The following KRTAP15-1 variants were observed in gnomAD, a reference collection of about 807,000 sequenced individuals.
KRTAP15-1 encodes the protein keratin-associated protein 15-1.
For synonymous variants in KRTAP15-1, 65 were observed against 59.6 expected (o/e 1.09, Z -0.42); for missense variants, 181 against 156.8 (o/e 1.15, Z -0.83).
Position 30,440,513 on chromosome 21 carries a change from G to A in KRTAP15-1, c.186G>A (p.Gln62=), listed in dbSNP as rs759173973. ...CCTACTGTGAGCCCACCAGCTGCCA[G>A]ACATCCTGCACTTTGGCCAGATCCT... ...QETYCEPTSC[Q]TSCTLARSYQ... Residue 62 remains glutamine (Q), a synonymous_variant, in exon 1 of 1, where the codon CAG becomes CAA. Coordinates refer to ENST00000334067, the MANE Select transcript of KRTAP15-1 (RefSeq NM_181623.3). 5 of 1,614,184 alleles carry A rather than the reference G, an allele frequency of 3.1e-6. No individual in the cohort carries two copies. The South Asian group carries it at 5.5e-5, about 18-fold the overall frequency.
rs142678238 is a variant in KRTAP15-1, at chr21:30,440,437, C to A, written c.110C>A (p.Ser37Tyr). The A allele has an allele frequency of 6.2e-7, 1 of 1,614,132 alleles. No individual in the cohort carries two copies. The highest frequency in any genetic ancestry group is 1.3e-5 in the African/African-American group (1 of 75,058). Residue 37 changes from serine to tyrosine, a missense_variant, in exon 1 of 1, where the codon TCT becomes TAT. By Grantham distance (144) the Ser-to-Tyr change is moderately radical. Coordinates refer to ENST00000334067, the MANE Select transcript of KRTAP15-1 (RefSeq NM_181623.3). ...NLFYPSNAIY[S>Y]PNTCQLGSSL... is the part of the protein sequence containing the mutation. Reference sequence around the variant, plus strand: ...TTCTACCCCAGCAATGCCATCTATTCTCCAAATACCTGCCAACTGGGCTCC... The same window carrying A: ...TTCTACCCCAGCAATGCCATCTATTATCCAAATACCTGCCAACTGGGCTCC...
Position 30,440,458 on chromosome 21 carries a change from G to A in KRTAP15-1, c.131G>A (p.Gly44Asp), listed in dbSNP as rs141181310. The change falls in exon 1 of 1, where the codon GGC becomes GAC. Residue 44 changes from glycine to aspartate, a missense_variant. Coordinates refer to ENST00000334067, the MANE Select transcript of KRTAP15-1 (RefSeq NM_181623.3). The stretch of plus-strand genomic sequence containing the variant: ...TATTCTCCAAATACCTGCCAACTGG[G>A]CTCCTCTCTCTACAATGGCTGTCAG... ...AIYSPNTCQLGSSLYNGCQET... is the reference protein window; with the variant it reads ...AIYSPNTCQLDSSLYNGCQET... 1.2e-6 allele frequency: 2 copies of A among 1,614,142 alleles called. No homozygotes were observed. Among genetic ancestry groups the A allele is most frequent in the Non-Finnish European group, 1.7e-6 (2 of 1,180,032 alleles).
rs1205180155 is a variant in KRTAP15-1, at chr21:30,440,354, C to T, written c.27C>T (p.Asn9=). 5 of 1,610,270 alleles carry T rather than the reference C, an allele frequency of 3.1e-6. No homozygotes were observed. Among genetic ancestry groups the T allele is most frequent in the Non-Finnish European group, 4.2e-6 (5 of 1,178,140 alleles). The change falls in exon 1 of 1, where the codon AAC becomes AAT. Residue 9 remains asparagine, a synonymous_variant. Transcript: ENST00000334067. ...TGTCTTACAACTGCAGCTCTGGAAA[C>T]TTCTCCTCCTGCTGTTTTGGAAGTT... MSYNCSSG[N]FSSCCFGSYL...
In KRTAP15-1 at chr21:30,440,432, C is replaced by G. The variant is rs150201622; in HGVS notation, c.105C>G (p.Ile35Met). 64 of 1,613,958 alleles carry G rather than the reference C, an allele frequency of 4.0e-5. 1 individual carries two copies. The highest frequency in any genetic ancestry group is 5.3e-5 in the Non-Finnish European group (62 of 1,179,954). The change falls in exon 1 of 1, where the codon ATC (isoleucine) becomes ATG (methionine). Residue 35 changes from isoleucine (I) to methionine (M), a missense_variant. Transcript: ENST00000334067. Reference protein sequence around the residue: ...TYNLFYPSNAIYSPNTCQLGS... With the variant: ...TYNLFYPSNAMYSPNTCQLGS... ...ATTTGTTCTACCCCAGCAATGCCAT[C>G]TATTCTCCAAATACCTGCCAACTGG...
At position 30,440,658 on chromosome 21, in the gene KRTAP15-1, G is replaced by A. The variant is rs1001438976; in HGVS notation, c.331G>A (p.Gly111Ser). 2.5e-6 allele frequency: 4 copies of A among 1,613,664 alleles called. No homozygotes were observed. In the African/African-American group the frequency reaches 5.3e-5, roughly 22 times the overall value. ...GLGSLGCGST[G>S]FQSLDCGSSF... is the part of the protein sequence containing the mutation. ...TGGATCTCTTGGTTGTGGAAGCACT[G>A]GCTTCCAATCTCTGGACTGTGGGTC... The change falls in exon 1 of 1, where the codon GGC becomes AGC. Residue 111 changes from glycine to serine, a missense_variant. By Grantham distance (56) the Gly-to-Ser change is moderately conservative (BLOSUM62 0). Coordinates refer to ENST00000334067, the MANE Select transcript of KRTAP15-1 (RefSeq NM_181623.3).
chr21:30,440,726 G>C lies in KRTAP15-1; in HGVS notation c.399G>C (p.Gln133His). The stretch of plus-strand genomic sequence containing the variant: ...CTACCTTTTCATCCAGGAATTTCCA[G>C]GCAACTTGTTACTAACCAGCCTTTG... ...HPTTFSSRNF[Q>H]ATCY The change falls in exon 1 of 1, where the codon CAG (glutamine) becomes CAC (histidine). Residue 133 changes from glutamine to histidine, a missense_variant. Transcript: ENST00000334067. 1 of 1,612,540 alleles carries C rather than the reference G, an allele frequency of 6.2e-7. No homozygotes were observed. The highest frequency in any genetic ancestry group is 8.5e-7 in the Non-Finnish European group (1 of 1,179,250).
the KRTAP15-1 span, chr21:30,440,336 C>A: frequency 2.5e-6 from 4 of 1,601,910 alleles, no homozygotes; most frequent in Admixed American, 5.1e-5. Context: ...ACATGTCTTA[C>A]AACTGCAGCT....
rs552822379 is a variant in KRTAP15-1 at position 30,440,666 on chromosome 21, A to G, written c.339A>G (p.Gln113=). The G allele has an allele frequency of 4.6e-5, 75 of 1,614,134 alleles. No individual in the cohort carries two copies. The South Asian group carries it at 5.8e-4, about 13-fold the overall frequency. Residue 113 remains glutamine, a synonymous_variant, in exon 1 of 1, where the codon CAA becomes CAG. Coordinates refer to ENST00000334067, the MANE Select transcript of KRTAP15-1 (RefSeq NM_181623.3). ...TTGGTTGTGGAAGCACTGGCTTCCA[A>G]TCTCTGGACTGTGGGTCCAGCTTCT... ...GSLGCGSTGF[Q]SLDCGSSFYH... is the part of the protein sequence containing the mutation.
Position 30,440,561 on chromosome 21 carries a change from A to G in KRTAP15-1, c.234A>G (p.Pro78=), listed in dbSNP as rs750899312. ...ARSYQTSCYC[P]KNSIFCSPRQ... is the part of the protein sequence containing the mutation. ...CCTATCAGACATCCTGTTACTGCCC[A>G]AAGAATTCCATCTTCTGCAGTCCCC... The change falls in exon 1 of 1, where the codon CCA becomes CCG. Residue 78 remains proline (P), a synonymous_variant. Transcript: ENST00000334067. 6.2e-7 allele frequency: 1 copy of G among 1,614,158 alleles called. No homozygotes were observed. Among genetic ancestry groups the G allele is most frequent in the African/African-American group, 1.3e-5 (1 of 75,044 alleles).
rs1010915492 is a variant in KRTAP15-1, at chr21:30,440,854, T to C, written c.*113T>C. 15 of 1,023,468 alleles carry C rather than the reference T, an allele frequency of 1.5e-5. No individual in the cohort carries two copies. Among genetic ancestry groups the C allele is most frequent in the African/African-American group, 1.5e-4 (9 of 62,048 alleles). 63.4% of individuals were successfully genotyped at this position (1,023,468 alleles called of 1,614,324 possible). ...CACTCAGCCTGTCCAATATCTGTGATTGTTGACCATCTACATCAGTAGGAC... is the reference window on the plus strand; with the variant it reads ...CACTCAGCCTGTCCAATATCTGTGACTGTTGACCATCTACATCAGTAGGAC... On this transcript the variant is annotated 3_prime_UTR_variant, in exon 1 of 1. Coordinates refer to ENST00000334067, the MANE Select transcript of KRTAP15-1 (RefSeq NM_181623.3).
Position 30,440,382 on chromosome 21 carries a change from C to G in KRTAP15-1, c.55C>G (p.Leu19Val), listed in dbSNP as rs907083020. 1 of 1,613,804 alleles carries G rather than the reference C, an allele frequency of 6.2e-7. No homozygotes were observed. Among genetic ancestry groups the G allele is most frequent in the African/African-American group, 1.3e-5 (1 of 75,022 alleles). Residue 19 changes from leucine (L) to valine (V), a missense_variant, in exon 1 of 1, where the codon CTG becomes GTG. Coordinates refer to ENST00000334067, the MANE Select transcript of KRTAP15-1 (RefSeq NM_181623.3). ...NFSSCCFGSY[L>V]RYPVSTYNLF... ...CTCCTCCTGCTGTTTTGGAAGTTAC[C>G]TGAGGTATCCAGTTTCCACTTATAA...
Position 30,440,505 on chromosome 21 carries a change from A to G in KRTAP15-1, c.178A>G (p.Ser60Gly). 6.2e-7 allele frequency: 1 copy of G among 1,614,214 alleles called. No homozygotes were observed. The change falls in exon 1 of 1, where the codon AGC becomes GGC. Residue 60 changes from serine (S) to glycine (G), a missense_variant. Coordinates refer to ENST00000334067, the MANE Select transcript of KRTAP15-1 (RefSeq NM_181623.3). ...TCAGGAGACCTACTGTGAGCCCACC[A>G]GCTGCCAGACATCCTGCACTTTGGC... ...GCQETYCEPT[S>G]CQTSCTLARS...
rs1984681662 is a variant in KRTAP15-1, at chr21:30,440,282, A to C, written c.-46A>C. ...AGTATAGAAGGTAACATTCACACAC[A>C]CACGCTCCTCACTGCAAATCACCTG... is the stretch of plus-strand genomic sequence containing the variant. On this transcript the variant is annotated 5_prime_UTR_variant, in exon 1 of 1. Coordinates refer to ENST00000334067, the MANE Select transcript of KRTAP15-1 (RefSeq NM_181623.3). The C allele has an allele frequency of 1.3e-6, 2 of 1,506,712 alleles. No individual in the cohort carries two copies. The highest frequency in any genetic ancestry group is 1.8e-6 in the Non-Finnish European group (2 of 1,103,320). 93.3% of individuals were successfully genotyped at this position (1,506,712 alleles called of 1,614,324 possible). A position where few individuals can be genotyped will look rare whatever the true frequency, so the allele number is the denominator to read the frequency against.
In KRTAP15-1 at chr21:30,440,511, C is replaced by A; in HGVS notation, c.184C>A (p.Gln62Lys). 6.2e-7 allele frequency: 1 copy of A among 1,614,214 alleles called. No homozygotes were observed. The highest frequency in any genetic ancestry group is 8.5e-7 in the Non-Finnish European group (1 of 1,180,030). ...GACCTACTGTGAGCCCACCAGCTGC[C>A]AGACATCCTGCACTTTGGCCAGATC... ...QETYCEPTSC[Q>K]TSCTLARSYQ... Residue 62 changes from glutamine (Q) to lysine (K), a missense_variant, in exon 1 of 1, where the codon CAG (glutamine) becomes AAG (lysine). By Grantham distance (53) the Gln-to-Lys change is moderately conservative (BLOSUM62 1). Transcript: ENST00000334067.
Position 30,440,362 on chromosome 21 carries a change from C to G in KRTAP15-1, c.35C>G (p.Ser12Cys), listed in dbSNP as rs753777262. Reference protein sequence around the residue: ...SYNCSSGNFSSCCFGSYLRYP... With the variant: ...SYNCSSGNFSCCCFGSYLRYP... ...AACTGCAGCTCTGGAAACTTCTCCT[C>G]CTGCTGTTTTGGAAGTTACCTGAGG... Residue 12 changes from serine (S) to cysteine (C), a missense_variant, in exon 1 of 1, where the codon TCC (serine) becomes TGC (cysteine). Ser to Cys is a moderately radical substitution (Grantham distance 112). Transcript: ENST00000334067. 1 of 1,611,946 alleles carries G rather than the reference C, an allele frequency of 6.2e-7. No individual in the cohort carries two copies. Among genetic ancestry groups the G allele is most frequent in the African/African-American group, 1.3e-5 (1 of 74,882 alleles).
rs138157793 is a variant in KRTAP15-1, at chr21:30,440,414, C to T, written c.87C>T (p.Phe29=). The T allele has an allele frequency of 2.9e-3, 4,724 of 1,614,032 alleles. 18 individuals are homozygous for T. Among genetic ancestry groups the T allele is most frequent in the Non-Finnish European group, 3.6e-3 (4,256 of 1,179,932 alleles). The change falls in exon 1 of 1, where the codon TTC becomes TTT. Residue 29 remains phenylalanine, a synonymous_variant. Transcript: ENST00000334067. ...ATCCAGTTTCCACTTATAATTTGTT[C>T]TACCCCAGCAATGCCATCTATTCTC... ...LRYPVSTYNL[F]YPSNAIYSPN...
chr21:30,440,825 G>A lies in KRTAP15-1; in HGVS notation c.*84G>A. ...GATTATTTCTGTACTCTATGGAACT[G>A]CAACACTCAGCCTGTCCAATATCTG... On this transcript the variant is annotated 3_prime_UTR_variant, in exon 1 of 1. Transcript: ENST00000334067. 1 of 1,272,042 alleles carries A rather than the reference G, an allele frequency of 7.9e-7. No individual in the cohort carries two copies. Among genetic ancestry groups the A allele is most frequent in the Non-Finnish European group, 1.1e-6 (1 of 905,020 alleles). The allele number at this position is 1,272,042 out of a possible 1,614,324, so 78.8% of individuals were successfully genotyped here.
chr21:30,440,470 A>C lies in KRTAP15-1; in HGVS notation c.143A>C (p.Tyr48Ser). Reference protein sequence around the residue: ...PNTCQLGSSLYNGCQETYCEP... With the variant: ...PNTCQLGSSLSNGCQETYCEP... ...ACCTGCCAACTGGGCTCCTCTCTCTACAATGGCTGTCAGGAGACCTACTGT... is the reference window on the plus strand; with the variant it reads ...ACCTGCCAACTGGGCTCCTCTCTCTCCAATGGCTGTCAGGAGACCTACTGT... Residue 48 changes from tyrosine (Y) to serine (S), a missense_variant, in exon 1 of 1, where the codon TAC (tyrosine) becomes TCC (serine). By Grantham distance (144) the Tyr-to-Ser change is moderately radical. Transcript: ENST00000334067. The C allele has an allele frequency of 6.2e-7, 1 of 1,614,176 alleles. No homozygotes were observed. The highest frequency in any genetic ancestry group is 8.5e-7 in the Non-Finnish European group (1 of 1,180,010).
Position 30,440,726 on chromosome 21 carries a change from G to A in KRTAP15-1, c.399G>A (p.Gln133=). The A allele has an allele frequency of 3.1e-6, 5 of 1,612,422 alleles. No individual in the cohort carries two copies. Among genetic ancestry groups the A allele is most frequent in the Admixed American group, 1.7e-5 (1 of 59,756 alleles). Residue 133 remains glutamine, a synonymous_variant, in exon 1 of 1, where the codon CAG becomes CAA. Transcript: ENST00000334067. ...CTACCTTTTCATCCAGGAATTTCCA[G>A]GCAACTTGTTACTAACCAGCCTTTG... ...HPTTFSSRNF[Q]ATCY
Sources: gnomAD v4.1 joint callset for allele counts on GRCh38, gnomAD v4.1.1 for gene constraint, MANE v1.5 for transcripts, NCBI Gene and HGNC (gene_info 2026-07-23, HGNC 2026-07-21) for gene names.